The following ZNF608 variants were observed in gnomAD, a reference collection of about 807,000 sequenced individuals.
ZNF608 encodes the protein zinc finger protein 608.
Under a neutral mutation model 109.0 loss-of-function variants are expected in ZNF608, and 12 were observed. That is an observed-to-expected ratio of 0.11 (90% CI 0.07 to 0.18). The LOEUF (loss-of-function observed/expected upper bound fraction) is 0.18, where lower values mean the gene tolerates loss of function less well. Among genes scored for constraint, ZNF608 ranks in the 10% least tolerant of loss-of-function variants. The probability of loss-of-function intolerance (pLI) is 1.00; values close to 1 mark genes in which losing one functional copy is unlikely to be tolerated. For synonymous variants in ZNF608, 732 were observed against 717.4 expected (o/e 1.02, Z -0.33); for missense variants, 1,707 against 1,879.3 (o/e 0.91, Z 1.70).
At chr5:124,728,547 T>G (rs1267649901) in intron 2 of ZNF608, among the ~76,000 whole-genome samples, 1 of 152,190 alleles carries the variant, frequency 6.6e-6, no homozygotes, top group Non-Finnish European at 1.5e-5. Flanking sequence ...TGAAAATCAC[T>G]ATCCCAACAT....
intron 3 of ZNF608, among the ~76,000 whole-genome samples, chr5:124,676,838 T>A (rs1751965551): frequency 6.6e-6 from 1 of 152,174 alleles, no homozygotes; most frequent in Admixed American, 6.5e-5. Flanking sequence ...TGCAAAGCCA[T>A]GCAAAACTAA....
intron 3 of ZNF608, among the ~76,000 whole-genome samples, chr5:124,668,392 C>A (rs1463161961): frequency 1.3e-5 from 2 of 149,652 alleles, no homozygotes; most frequent in Non-Finnish European, 3.0e-5. Context: ...CAAAACACCA[C>A]ACAGAAAAAA....
At chr5:124,711,578 G>T (rs770264402) in intron 2 of ZNF608, among the ~76,000 whole-genome samples, 1 of 152,180 alleles carries the variant, frequency 6.6e-6, no homozygotes, top group Non-Finnish European at 1.5e-5. Flanking sequence ...TTAACCCCAG[G>T]CCCTCCCCTT....
At chr5:124,716,290 A>T (rs2149873555) in intron 2 of ZNF608, among the ~76,000 whole-genome samples, 1 of 152,214 alleles carries the variant, frequency 6.6e-6, no homozygotes, top group Admixed American at 6.5e-5. Context: ...ATTAAAATCT[A>T]ATAACCATAA....
At position 124,661,047 on chromosome 5, in the gene ZNF608, T is replaced by TTATTA. The variant is rs1473121165; in HGVS notation, c.1163-11355_1163-11351dup. ...CAAATTCCAACCTGAGGGACTTCTT[T>TTATTA]TATTATTTCTATACCCACCACCAAT... On this transcript the variant is annotated intron_variant, in intron 3 of 9. Coordinates refer to ENST00000513986, the MANE Select transcript of ZNF608 (RefSeq NM_020747.3). Among the ~76,000 whole-genome samples the TTATTA allele has an allele frequency of 9.8e-5, 15 of 152,360 alleles. 1 individual carries two copies. The highest frequency in any genetic ancestry group is 4.1e-4 in the South Asian group (2 of 4,830).
At chr5:124,733,749 T>C (rs1318816270) in intron 2 of ZNF608, among the ~76,000 whole-genome samples, 2 of 152,220 alleles carry the variant, frequency 1.3e-5, no homozygotes, top group African/African-American at 4.8e-5. Flanking sequence ...GCTGTTTTTT[T>C]CTACTACTAG....
rs771178689 is a variant in ZNF608, at chr5:124,647,436, G to A, written c.2948C>T (p.Thr983Ile). ...CTCTTTCAGTTGAGATGATTGTGCT[G>A]TAGTTGAAGAATGCCCTTTTACAAC... ...DSVVKGHSST[T>I]AQSSQLKESH... The change falls in exon 5 of 10, where the codon ACA becomes ATA. Residue 983 changes from threonine (T) to isoleucine (I), a missense_variant. Transcript: ENST00000513986. The A allele has an allele frequency of 8.1e-6, 13 of 1,614,232 alleles. No homozygotes were observed. In the African/African-American group the frequency reaches 1.2e-4, roughly 15 times the overall value.
intron 9 of ZNF608, 76 bp from the exon 10 acceptor site, chr5:124,637,982 C>A: frequency 1.3e-6 from 2 of 1,551,952 alleles, no homozygotes; most frequent in Non-Finnish European, 1.8e-6. Flanking sequence ...CGGAGTTTTG[C>A]TCTTGTTGCC....
intron 7 of ZNF608, among the ~76,000 whole-genome samples, chr5:124,642,688 T>C (rs895129621): frequency 6.7e-6 from 1 of 149,820 alleles, no homozygotes; most frequent in Non-Finnish European, 1.5e-5. Flanking sequence ...AGATTTTCTA[T>C]TGTCTTTTTT....
upstream of ZNF608, chr5:124,748,719 A>C (rs1420632523): frequency 6.2e-6 from 2 of 321,786 alleles, no homozygotes; most frequent in Non-Finnish European, 9.0e-6. Context: ...AAAAAAGCAA[A>C]ACAAAAATCC....
intron 5 of ZNF608, among the ~76,000 whole-genome samples, chr5:124,646,191 C>A (rs1296648393): frequency 2.6e-5 from 4 of 152,012 alleles, no homozygotes; most frequent in Non-Finnish European, 4.4e-5. Flanking sequence ...GAAACCCCAT[C>A]TCTACTAAAA....
intron 3 of ZNF608, among the ~76,000 whole-genome samples, chr5:124,657,600 G>A (rs546831671): frequency 2.6e-3 from 391 of 152,258 alleles, no homozygotes; most frequent in African/African-American, 9.2e-3. Context: ...GCGTGAACCC[G>A]GGAGGCAGAG....
intron 3 of ZNF608, among the ~76,000 whole-genome samples, chr5:124,680,689 C>A (rs757990983): frequency 2.4e-4 from 37 of 152,246 alleles, no homozygotes; most frequent in South Asian, 4.1e-4. Context: ...CATGACAAAT[C>A]ACACACATAA....
rs1487262057 is a variant in ZNF608 at position 124,668,215 on chromosome 5, TATTA to T, written c.1163-18522_1163-18519del. Among the ~76,000 whole-genome samples, 183 of 139,732 alleles carry T rather than the reference TATTA, an allele frequency of 1.3e-3. 3 individuals carry two copies. The highest frequency in any genetic ancestry group is 4.0e-3 in the East Asian group (19 of 4,772). 91.7% of individuals were successfully genotyped at this position (139,732 alleles called of 152,430 possible). ...TTAAAAATATATATATATATATATA[TATTA>T]TATATATATATATTTTATATATATC... is the stretch of plus-strand genomic sequence containing the variant. On this transcript the variant is annotated intron_variant, in intron 3 of 9. Transcript: ENST00000513986.
At chr5:124,732,283 A>C (rs1173777669) in intron 2 of ZNF608, among the ~76,000 whole-genome samples, 1 of 152,202 alleles carries the variant, frequency 6.6e-6, no homozygotes, top group Non-Finnish European at 1.5e-5. Context: ...CATGGCATGC[A>C]TCCTGAGTTA....
chr5:124,702,501 G>GT (rs11427187), intron 2 of ZNF608, among the ~76,000 whole-genome samples: 88,960 of 147,452 alleles, frequency 0.6, 26,833 homozygotes, highest in East Asian at 0.85. Flanking sequence ...TTGGGTTTTG[G>GT]TTTTTTTTTT....
At chr5:124,721,650 G>A (rs1274068908) in intron 2 of ZNF608, among the ~76,000 whole-genome samples, 1 of 151,986 alleles carries the variant, frequency 6.6e-6, no homozygotes, top group Non-Finnish European at 1.5e-5. Context: ...AGAACTCAGA[G>A]CCAGGCCGGG....
Position 124,744,805 on chromosome 5 carries a change from G to T in ZNF608, c.185C>A (p.Ser62Tyr). The T allele has an allele frequency of 6.2e-7, 1 of 1,614,208 alleles. No individual in the cohort carries two copies. Among genetic ancestry groups the T allele is most frequent in the East Asian group, 2.2e-5 (1 of 44,880 alleles). ...NSTTTTSSSN[S>Y]KDCGGPASSG... ...GGAGGCCGGACCTCCACAATCCTTGGAGTTGCTGCTACTAGTGGTGGTGGT... is the reference window on the plus strand; with the variant it reads ...GGAGGCCGGACCTCCACAATCCTTGTAGTTGCTGCTACTAGTGGTGGTGGT... Residue 62 changes from serine (S) to tyrosine (Y), a missense_variant, in exon 2 of 10, where the codon TCC becomes TAC. By Grantham distance (144) the Ser-to-Tyr change is moderately radical (BLOSUM62 -2). Around this residue, in one of 7 missense-constraint regions of ZNF608, gnomAD observed 407 missense variants for 398.7 expected, o/e 1.02. Transcript: ENST00000513986. The surrounding 1 kb of genome is among the most constrained non-coding windows in gnomAD (Gnocchi z 4.5).
intron 2 of ZNF608, among the ~76,000 whole-genome samples, chr5:124,738,505 G>A (rs1274413300): frequency 1.3e-5 from 2 of 152,110 alleles, no homozygotes; most frequent in African/African-American, 4.8e-5. Flanking sequence ...TAATATTAAA[G>A]AATAGAATAA....
Sources: gnomAD v4.1 joint callset for allele counts (sites outside exome capture counted in the v4.1 genomes callset) on GRCh38, gnomAD v4.1.1 for gene constraint, gnomAD v4.1.1 regional missense constraint, Gnocchi (gnomAD v3.1) non-coding constraint, MANE v1.5 for transcripts, NCBI Gene and HGNC (gene_info 2026-07-23, HGNC 2026-07-21) for gene names.